Variants in ANKRD22 observed in about 807,000 individuals in gnomAD.
The protein encoded by ANKRD22 is ankyrin repeat domain 22.
Under a neutral mutation model 25.7 loss-of-function variants are expected in ANKRD22, and 24 were observed. The ratio of observed to expected loss-of-function variants is 0.93; its 90% CI spans 0.68 to 1.31. The LOEUF is 1.31. Among genes scored for constraint, ANKRD22 ranks in the 50% most tolerant of loss-of-function variants. The pLI is 0.00. For synonymous variants in ANKRD22, 84 were observed against 84.3 expected, an observed-to-expected ratio of 1.00 and a Z score of 0.02; for missense variants, 214 against 227.1, an observed-to-expected ratio of 0.94 and a Z score of 0.37.
intron 1 of ANKRD22, among the ~76,000 whole-genome samples, chr10:88,836,195 TA>T (rs1171551902): frequency 1.1e-4 from 16 of 152,258 alleles, no homozygotes; most frequent in Non-Finnish European, 2.2e-4. Flanking sequence ...TTGATCTAAA[TA>T]AAGGTATGTG....
Position 88,822,974 on chromosome 10 carries a change from G to A in ANKRD22, c.543C>T (p.Ser181=). 1 of 1,613,438 alleles carries A rather than the reference G, an allele frequency of 6.2e-7. No homozygotes were observed. Among genetic ancestry groups the A allele is most frequent in the Non-Finnish European group, 8.5e-7 (1 of 1,179,522 alleles). ...SLDIARRLKF[S]QIELMLRKAL ...CTTTCCTTAGCATTAATTCAATCTGGGAAAATTTTAATCTCCGTGCAATAT... is the reference window on the plus strand; with the variant it reads ...CTTTCCTTAGCATTAATTCAATCTGAGAAAATTTTAATCTCCGTGCAATAT... Residue 181 remains serine, a synonymous_variant, in exon 6 of 6, where the codon TCC becomes TCT. Transcript: ENST00000371930.
chr10:88,851,219 G>A (rs904246680), intron 1 of ANKRD22, among the ~76,000 whole-genome samples: 2 of 152,024 alleles, frequency 1.3e-5, no homozygotes, highest in Non-Finnish European at 2.9e-5. Context: ...TCAATCTTTT[G>A]GATATTTAGA....
At chr10:88,845,112 A>C (rs1252858091) in intron 1 of ANKRD22, among the ~76,000 whole-genome samples, 2 of 152,108 alleles carry the variant, frequency 1.3e-5, no homozygotes, top group African/African-American at 4.8e-5. Context: ...GGTGCTGATC[A>C]GCTCACTTCA....
intron 1 of ANKRD22, among the ~76,000 whole-genome samples, chr10:88,849,500 G>T (rs532187518): frequency 6.6e-6 from 1 of 152,200 alleles, no homozygotes; most frequent in Admixed American, 6.5e-5. Context: ...GTAAACACAG[G>T]ACTCATCCTA....
At chr10:88,842,344 G>A (rs1844010041) in intron 1 of ANKRD22, among the ~76,000 whole-genome samples, 6 of 152,020 alleles carry the variant, frequency 3.9e-5, no homozygotes, top group Admixed American at 3.9e-4. Context: ...TAGCTAGTGA[G>A]TAGCATAACT....
chr10:88,846,939 G>A (rs375573775), intron 1 of ANKRD22, among the ~76,000 whole-genome samples: 119 of 152,174 alleles, frequency 7.8e-4, no homozygotes, highest in African/African-American at 2.4e-3. Flanking sequence ...CAGATGTTTC[G>A]TCACTACAAA....
chr10:88,828,712 C>A (rs752504179), intron 2 of ANKRD22, 46 bp from the exon 3 acceptor site: 5 of 1,413,802 alleles, frequency 3.5e-6, no homozygotes, highest in Non-Finnish European at 2.9e-6. Flanking sequence ...CATTTCAATT[C>A]AAAATTTATT....
intron 1 of ANKRD22, among the ~76,000 whole-genome samples, chr10:88,839,222 C>T (rs1357133909): frequency 6.6e-6 from 1 of 152,124 alleles, no homozygotes; most frequent in Non-Finnish European, 1.5e-5. Context: ...ACTTCCCTGA[C>T]CACTCAGCCT....
intron 2 of ANKRD22, among the ~76,000 whole-genome samples, chr10:88,828,910 C>A (rs1229528539): frequency 6.6e-6 from 1 of 152,086 alleles, no homozygotes; most frequent in Non-Finnish European, 1.5e-5. Flanking sequence ...ATGTACACAG[C>A]AGAGCTCATC....
intron 2 of ANKRD22, 31 bp from the exon 3 acceptor site, chr10:88,828,697 T>C: frequency 2.0e-6 from 3 of 1,484,852 alleles, no homozygotes; most frequent in South Asian, 2.4e-5. Context: ...TCTTTACTAA[T>C]AAAGCATTTC....
intron 1 of ANKRD22, among the ~76,000 whole-genome samples, chr10:88,835,737 A>G (rs1283550151): frequency 2.0e-5 from 3 of 152,186 alleles, no homozygotes; most frequent in Admixed American, 1.3e-4. Flanking sequence ...GTGCATGACT[A>G]TAATTTAATG....
Position 88,828,661 on chromosome 10 carries a change from CTCTTTCTAAAAATTAAGAAAAGGA to C in ANKRD22, c.214-19_218del, listed in dbSNP as rs774064975. On this transcript the variant is annotated splice_acceptor_variant and splice_polypyrimidine_tract_variant and coding_sequence_variant and intron_variant, in exon 3 of 6. Transcript: ENST00000371930. LOFTEE classifies it high-confidence loss of function. ...TCACAGCATAATGCAAGCAGGTTCT[CTCTTTCTAAAAATTAAGAAAAGGA>C]TTCTTTACTAATAAAGCATTTCAAT... 1.3e-6 allele frequency: 2 copies of C among 1,580,312 alleles called. No individual in the cohort carries two copies. The highest frequency in any genetic ancestry group is 2.7e-5 in the African/African-American group (2 of 73,104).
chr10:88,834,263 A>T (rs1157169383), intron 1 of ANKRD22, among the ~76,000 whole-genome samples: 3 of 152,274 alleles, frequency 2.0e-5, no homozygotes, highest in African/African-American at 7.2e-5. Context: ...ATTTAAAACA[A>T]TACTATTATT....
intron 4 of ANKRD22, among the ~76,000 whole-genome samples, chr10:88,825,097 T>G (rs1428587988): frequency 1.3e-5 from 2 of 150,932 alleles, no homozygotes; most frequent in Admixed American, 1.3e-4. Context: ...ATGATGTAAA[T>G]AATTGATAGA....
chr10:88,820,126 C>A lies in ANKRD22; in HGVS notation c.*2815G>T. ...TTGTGTGGCTCTAACACCCATGTAC[C>A]CTTCACCACAACAGATGGCATGTTT... is the stretch of plus-strand genomic sequence containing the variant. On this transcript the variant is annotated 3_prime_UTR_variant, in exon 6 of 6. Coordinates refer to ENST00000371930, the MANE Select transcript of ANKRD22 (RefSeq NM_144590.3). The A allele has an allele frequency of 4.4e-6, 4 of 900,224 alleles. No individual in the cohort carries two copies. Among genetic ancestry groups the A allele is most frequent in the Non-Finnish European group, 6.6e-6 (4 of 602,856 alleles). 55.8% of individuals were successfully genotyped at this position (900,224 alleles called of 1,614,324 possible). A position where few individuals can be genotyped will look rare whatever the true frequency, so the allele number is the denominator to read the frequency against.
chr10:88,834,102 T>G (rs1843930915), intron 1 of ANKRD22, among the ~76,000 whole-genome samples: 2 of 152,208 alleles, frequency 1.3e-5, no homozygotes, highest in Admixed American at 1.3e-4. Flanking sequence ...CAGGGTTATG[T>G]CAACACAATA....
In ANKRD22 at chr10:88,826,525, C is replaced by A. The variant is rs571611470; in HGVS notation, c.322-410G>T. Reference sequence around the variant, plus strand: ...TGTTTTGGCTCCACGTATGGCCCTGCCCTGGCCTCTCTCTCACTCTGCGCC... The same window carrying A: ...TGTTTTGGCTCCACGTATGGCCCTGACCTGGCCTCTCTCTCACTCTGCGCC... On this transcript the variant is annotated intron_variant, in intron 3 of 5. Transcript: ENST00000371930. Among the ~76,000 whole-genome samples, 5 of 152,328 alleles carry A rather than the reference C, an allele frequency of 3.3e-5. No homozygotes were observed. The East Asian group carries it at 9.6e-4, about 29-fold the overall frequency.
At position 88,821,500 on chromosome 10, in the gene ANKRD22, T is replaced by C. The variant is rs1184119657; in HGVS notation, c.*1441A>G. Among the ~76,000 whole-genome samples the C allele has an allele frequency of 1.3e-5, 2 of 152,236 alleles. No homozygotes were observed. Among genetic ancestry groups the C allele is most frequent in the Non-Finnish European group, 2.9e-5 (2 of 68,032 alleles). ...TGTCAAAAGTATATTGTTGAAGGTA[T>C]ACTGGTGTGTGAAATTCACTTGTGT... On this transcript the variant is annotated 3_prime_UTR_variant, in exon 6 of 6. Coordinates refer to ENST00000371930, the MANE Select transcript of ANKRD22 (RefSeq NM_144590.3).
At chr10:88,832,683 AAAT>A (rs1843918684) in intron 1 of ANKRD22, among the ~76,000 whole-genome samples, 1 of 152,178 alleles carries the variant, frequency 6.6e-6, no homozygotes, top group Admixed American at 6.5e-5. Context: ...TTTTTTAGGC[AAAT>A]AATATACAAA....
Sources: allele counts gnomAD v4.1 joint callset (sites outside exome capture counted in the v4.1 genomes callset), GRCh38; gene constraint gnomAD v4.1.1; transcripts MANE v1.5; gene names NCBI Gene and HGNC (gene_info 2026-07-23, HGNC 2026-07-21).